Variants in SHPRH observed in about 807,000 individuals in gnomAD.
SHPRH encodes SNF2 histone linker PHD RING helicase, also known as E3 ubiquitin-protein ligase SHPRH.
SHPRH carries 106 observed loss-of-function variants against 202.5 expected under a neutral mutation model. That is an observed-to-expected ratio of 0.52 (90% CI 0.45 to 0.62). The LOEUF (loss-of-function observed/expected upper bound fraction) is 0.62. Among genes scored for constraint, SHPRH ranks in the 20% least tolerant of loss-of-function variants. SHPRH has a pLI of 0.00. For synonymous variants in SHPRH, 729 were observed against 686.0 expected, an observed-to-expected ratio of 1.06 and a Z score of -0.98; for missense variants, 1,710 against 2,020.0, an observed-to-expected ratio of 0.85 and a Z score of 2.94.
chr6:145,945,397 T>G lies in SHPRH; in HGVS notation c.1562A>C (p.Asp521Ala), dbSNP rs764208263. Residue 521 changes from aspartate (D) to alanine (A), a missense_variant, in exon 8 of 30, where the codon GAT becomes GCT. Asp to Ala is a moderately radical substitution (Grantham distance 126). This residue lies in a region of SHPRH where 348 missense variants were observed against 356.9 expected (regional missense o/e 0.97). Transcript: ENST00000275233. ...GKNYKEEDIC[D>A]KTKKQAVGSP... ...CTCTGTTACCTGCTTTTTTGTTTTATCACATATATCCTCTTCCTTGTAATT... is the reference window on the plus strand; with the variant it reads ...CTCTGTTACCTGCTTTTTTGTTTTAGCACATATATCCTCTTCCTTGTAATT... The G allele has an allele frequency of 6.2e-7, 1 of 1,608,548 alleles. No individual in the cohort carries two copies. Among genetic ancestry groups the G allele is most frequent in the South Asian group, 1.1e-5 (1 of 90,174 alleles).
At chr6:145,962,960 C>T (rs1230073664) in intron 1 of SHPRH, among the ~76,000 whole-genome samples, 1 of 152,180 alleles carries the variant, frequency 6.6e-6, no homozygotes, top group Non-Finnish European at 1.5e-5. Context: ...ATTGTTTCCC[C>T]TAAATCTTAC....
At chr6:145,900,789 T>A (rs1782434909) in intron 25 of SHPRH, among the ~76,000 whole-genome samples, 1 of 152,156 alleles carries the variant, frequency 6.6e-6, no homozygotes, top group South Asian at 2.1e-4. Context: ...ATGTAAATCT[T>A]ACGTAAATTA....
At chr6:145,865,445 G>A (rs1459933542) in intron 2 of SHPRH, among the ~76,000 whole-genome samples, 3 of 152,216 alleles carry the variant, frequency 2.0e-5, no homozygotes, top group African/African-American at 7.2e-5. Context: ...CTCCAGAACT[G>A]TGTGAAAATG....
At chr6:145,915,645 C>T (rs768721457) in intron 23 of SHPRH, among the ~76,000 whole-genome samples, 31 of 151,846 alleles carry the variant, frequency 2.0e-4, no homozygotes, top group East Asian at 3.9e-4. Flanking sequence ...TGGAAAATAC[C>T]GAAACATCTT....
At chr6:145,916,128 A>T (rs771887266) in intron 23 of SHPRH, among the ~76,000 whole-genome samples, 1 of 152,052 alleles carries the variant, frequency 6.6e-6, no homozygotes, top group Non-Finnish European at 1.5e-5. Context: ...CTGGTCTCCA[A>T]TGAGTTTTTG....
chr6:145,865,586 A>C (rs1182817711), intron 2 of SHPRH, among the ~76,000 whole-genome samples: 3 of 152,232 alleles, frequency 2.0e-5, no homozygotes, highest in African/African-American at 7.2e-5. Flanking sequence ...AGGATTTAGA[A>C]GCAGACGTTT....
chr6:145,914,171 G>T (rs1273281259), intron 23 of SHPRH, among the ~76,000 whole-genome samples: 1 of 152,082 alleles, frequency 6.6e-6, no homozygotes, highest in African/African-American at 2.4e-5. Flanking sequence ...GTTGGCTGGG[G>T]TTGGATGGTC....
chr6:145,903,027 C>A (rs545965164), intron 25 of SHPRH, among the ~76,000 whole-genome samples: 1 of 151,686 alleles, frequency 6.6e-6, no homozygotes, highest in Non-Finnish European at 1.5e-5. Flanking sequence ...TTAACTTGGC[C>A]GGTGAACAGA....
intron 28 of SHPRH, among the ~76,000 whole-genome samples, chr6:145,888,684 C>G (rs1423171580): frequency 6.6e-6 from 1 of 152,132 alleles, no homozygotes; most frequent in Non-Finnish European, 1.5e-5. Flanking sequence ...GTATACCTGA[C>G]TGTACTTTAG....
At chr6:145,927,549 T>A (rs182838429) in intron 14 of SHPRH, among the ~76,000 whole-genome samples, 275 of 151,880 alleles carry the variant, frequency 1.8e-3, no homozygotes, top group African/African-American at 6.2e-3. Context: ...TAATCAAACG[T>A]TTGTAATGTT....
intron 2 of SHPRH, among the ~76,000 whole-genome samples, chr6:145,873,782 G>C (rs1250164156): frequency 6.6e-6 from 1 of 152,034 alleles, no homozygotes; most frequent in East Asian, 1.9e-4. Flanking sequence ...AAACTATGTA[G>C]TCCCAGCCTC....
chr6:145,862,111 T>C (rs1779598088), downstream of SHPRH, among the ~76,000 whole-genome samples: 1 of 152,120 alleles, frequency 6.6e-6, no homozygotes, highest in African/African-American at 2.4e-5. Context: ...TGAATAACAA[T>C]ACTGTATTGT....
chr6:145,873,864 T>C (rs143421208), intron 2 of SHPRH, among the ~76,000 whole-genome samples: 1 of 152,216 alleles, frequency 6.6e-6, no homozygotes, highest in East Asian at 1.9e-4. Context: ...GTCACAAAAT[T>C]AATATCACAA....
At chr6:145,862,829 T>C (rs775311906), downstream of SHPRH, 1 of 152,202 alleles carries the variant, frequency 6.6e-6, no homozygotes, top group Non-Finnish European at 1.5e-5. Flanking sequence ...TTAAATCAAA[T>C]TCTCATAAGT....
intron 24 of SHPRH, among the ~76,000 whole-genome samples, chr6:145,912,306 G>A (rs1382985106): frequency 1.3e-5 from 2 of 152,044 alleles, no homozygotes; most frequent in Admixed American, 6.6e-5. Flanking sequence ...AGTATGAACA[G>A]AGCTTGAAAA....
intron 2 of SHPRH, among the ~76,000 whole-genome samples, chr6:145,868,130 C>T (rs986555089): frequency 3.3e-5 from 5 of 152,122 alleles, no homozygotes; most frequent in African/African-American, 9.7e-5. Context: ...TGCCTTCTTC[C>T]TGTGTTCTGA....
Position 145,919,771 on chromosome 6 carries a change from CTT to C in SHPRH, c.4009-282_4009-281del, listed in dbSNP as rs200704506. On this transcript the variant is annotated intron_variant, in intron 21 of 29. Coordinates refer to ENST00000275233, the MANE Select transcript of SHPRH (RefSeq NM_001042683.3). ...GTCCAGTTTTAGGCTGACAGAATCT[CTT>C]GTTTTATTTTTTAAAAATAGTTTTA... Among the ~76,000 whole-genome samples, 1,178 of 152,200 alleles carry C rather than the reference CTT, an allele frequency of 7.7e-3. 9 individuals are homozygous for C. Among genetic ancestry groups the C allele is most frequent in the African/African-American group, 0.025 (1,019 of 41,552 alleles).
chr6:145,932,702 A>C (rs1321046780), intron 14 of SHPRH, among the ~76,000 whole-genome samples: 1 of 152,166 alleles, frequency 6.6e-6, no homozygotes, highest in Non-Finnish European at 1.5e-5. Flanking sequence ...AATGTGTCAA[A>C]ATTTAACCAT....
intron 11 of SHPRH, among the ~76,000 whole-genome samples, chr6:145,940,289 A>G (rs1273365264): frequency 6.6e-6 from 1 of 152,094 alleles, no homozygotes; most frequent in Non-Finnish European, 1.5e-5. Flanking sequence ...CTGGGTTCAC[A>G]CAATAAAAAT....
Sources: allele counts gnomAD v4.1 joint callset (sites outside exome capture counted in the v4.1 genomes callset), GRCh38; gene constraint gnomAD v4.1.1; regional missense constraint gnomAD v4.1.1; transcripts MANE v1.5; gene names NCBI Gene and HGNC (gene_info 2026-07-23, HGNC 2026-07-21).